Variants in NCOA3 observed in about 807,000 individuals in gnomAD.
NCOA3 encodes nuclear receptor coactivator 3.
A neutral mutation model predicts 158.8 loss-of-function variants in NCOA3; 51 were observed. The observed-to-expected ratio is 0.32, with a 90% CI of 0.26 to 0.41. The LOEUF is 0.41. Ranked by LOEUF, NCOA3 falls within the 10% of genes least tolerant of loss-of-function variation. The pLI, the probability that NCOA3 is intolerant of heterozygous loss-of-function variation, is 1.00. For missense variants in NCOA3, 1,510 were observed against 1,746.6 expected (o/e 0.86, Z 2.41); for synonymous variants, 537 against 592.4 (o/e 0.91, Z 1.36).
chr20:47,652,734 T>G (rs1052094775), intron 21 of NCOA3, among the ~76,000 whole-genome samples, 154 bp downstream of exon 21: 1 of 152,224 alleles, frequency 6.6e-6, no homozygotes. Context: ...TTGAGAGTCC[T>G]TCAAGCACGC....
chr20:47,645,091 G>C (rs560911856), intron 17 of NCOA3, among the ~76,000 whole-genome samples: 1 of 152,226 alleles, frequency 6.6e-6, no homozygotes, highest in South Asian at 2.1e-4. Flanking sequence ...CATTTTGGGA[G>C]CTGGGCTAGG....
At chr20:47,577,942 C>A (rs562870115) in intron 1 of NCOA3, among the ~76,000 whole-genome samples, 1 of 152,252 alleles carries the variant, frequency 6.6e-6, no homozygotes, top group South Asian at 2.1e-4. Context: ...TAATACCTGT[C>A]TTTATTTTAC....
intron 2 of NCOA3, among the ~76,000 whole-genome samples, chr20:47,610,544 C>A (rs948063084): frequency 6.6e-6 from 1 of 152,066 alleles, no homozygotes; most frequent in African/African-American, 2.4e-5. Flanking sequence ...AAAAAGGATT[C>A]TTTTGAATTT....
chr20:47,622,361 C>A, intron 3 of NCOA3, 31 bp downstream of exon 3: 1 of 1,375,468 alleles, frequency 7.3e-7, no homozygotes, highest in Non-Finnish European at 1.0e-6. Flanking sequence ...TGCTTTACCA[C>A]ACTTGTTGTG....
intron 1 of NCOA3, among the ~76,000 whole-genome samples, chr20:47,509,252 G>A (rs1247226162): frequency 6.6e-6 from 1 of 151,842 alleles, no homozygotes; most frequent in Non-Finnish European, 1.5e-5. Context: ...AAATTAGCCG[G>A]GCATGGTGAT....
At chr20:47,522,892 TA>T (rs3092358) in intron 1 of NCOA3, among the ~76,000 whole-genome samples, 166 of 139,154 alleles carry the variant, frequency 1.2e-3, no homozygotes, top group East Asian at 1.4e-3. Flanking sequence ...AGAGATGCTT[TA>T]AAAAAAAAAA....
chr20:47,502,467 AC>A (rs796507995), intron 1 of NCOA3, among the ~76,000 whole-genome samples: 3 of 144,734 alleles, frequency 2.1e-5, no homozygotes, highest in Non-Finnish European at 4.6e-5. Flanking sequence ...AGCCGCGGGG[AC>A]CCCCCCCACC....
chr20:47,557,954 C>A (rs893881306), intron 1 of NCOA3, among the ~76,000 whole-genome samples: 1 of 152,124 alleles, frequency 6.6e-6, no homozygotes, highest in African/African-American at 2.4e-5. Flanking sequence ...CAGAAGTCAG[C>A]AGGGTTGCTT....
At chr20:47,569,025 A>G (rs988836686) in intron 1 of NCOA3, among the ~76,000 whole-genome samples, 4 of 150,852 alleles carry the variant, frequency 2.7e-5, no homozygotes, top group Non-Finnish European at 1.5e-5. Context: ...GATCACAGCT[A>G]ACTATAACCT....
At chr20:47,599,869 C>T (rs1167817525) in intron 2 of NCOA3, among the ~76,000 whole-genome samples, 1 of 152,136 alleles carries the variant, frequency 6.6e-6, no homozygotes, top group Admixed American at 6.5e-5. Context: ...CCAGATCCAT[C>T]TCCACTTCCT....
chr20:47,629,000 T>C (rs557803297), intron 8 of NCOA3, among the ~76,000 whole-genome samples: 1 of 152,208 alleles, frequency 6.6e-6, no homozygotes, highest in Non-Finnish European at 1.5e-5. Context: ...AATTTATAGC[T>C]GAGTCTGCCT....
intron 1 of NCOA3, among the ~76,000 whole-genome samples, chr20:47,545,135 C>CT (rs113576815): frequency 0.031 from 3,439 of 112,446 alleles, 160 homozygotes; most frequent in African/African-American, 0.095. Context: ...AGCAATGTAG[C>CT]TTTTTTTTTT....
chr20:47,605,306 A>G (rs964707898), intron 2 of NCOA3, among the ~76,000 whole-genome samples: 1 of 152,066 alleles, frequency 6.6e-6, no homozygotes, highest in Non-Finnish European at 1.5e-5. Context: ...TGTTGCCTTC[A>G]TACATTTACA....
At chr20:47,505,870 C>T (rs927464477) in intron 1 of NCOA3, among the ~76,000 whole-genome samples, 9 of 142,052 alleles carry the variant, frequency 6.3e-5, no homozygotes, top group Admixed American at 3.0e-4. Context: ...GGCATGATCT[C>T]GGCTCACTGC....
rs1166777115 is a variant in NCOA3 at position 47,505,003 on chromosome 20, G to GTTTTTTTTTTTTTTT, written c.-99+2996_-99+3010dup. 4.4e-3 allele frequency among the ~76,000 whole-genome samples: 126 copies of GTTTTTTTTTTTTTTT among 28,534 alleles called. 38 individuals carry two copies. Among genetic ancestry groups the GTTTTTTTTTTTTTTT allele is most frequent in the East Asian group, 0.015 (11 of 734 alleles). 18.7% of individuals were successfully genotyped at this position (28,534 alleles called of 152,430 possible). On this transcript the variant is annotated intron_variant, in intron 1 of 22. Transcript: ENST00000371998. ...TAAAATAAATGGCTTTGGGTTTTTG[G>GTTTTTTTTTTTTTTT]TTTTTTTTTTTTTTTTTTTTTTTTT... is the stretch of plus-strand genomic sequence containing the variant.
At chr20:47,528,769 A>G (rs2084498447) in intron 1 of NCOA3, among the ~76,000 whole-genome samples, 2 of 152,124 alleles carry the variant, frequency 1.3e-5, no homozygotes, top group South Asian at 4.1e-4. Flanking sequence ...CTACCTGGAC[A>G]CTTTTTTTTC....
chr20:47,619,206 T>A (rs1331923979), intron 2 of NCOA3, among the ~76,000 whole-genome samples: 1 of 152,230 alleles, frequency 6.6e-6, no homozygotes, highest in Non-Finnish European at 1.5e-5. Context: ...ATATTGAGAA[T>A]ATAGGCAAAA....
At chr20:47,503,967 T>C (rs2083983860) in intron 1 of NCOA3, among the ~76,000 whole-genome samples, 1 of 152,216 alleles carries the variant, frequency 6.6e-6, no homozygotes, top group Non-Finnish European at 1.5e-5. Context: ...TACCAGCTTT[T>C]GGCATATAGA....
intron 1 of NCOA3, among the ~76,000 whole-genome samples, chr20:47,547,296 G>T (rs973533153): frequency 6.6e-6 from 1 of 152,078 alleles, no homozygotes; most frequent in African/African-American, 2.4e-5. Flanking sequence ...TACCCCATCT[G>T]TGGCGTTAAG....
Sources: allele counts gnomAD v4.1 joint callset (sites outside exome capture counted in the v4.1 genomes callset), GRCh38; gene constraint gnomAD v4.1.1; transcripts MANE v1.5; gene names NCBI Gene and HGNC (gene_info 2026-07-23, HGNC 2026-07-21).